Variants in MRTFB observed in about 807,000 individuals in gnomAD.
MRTFB encodes the protein myocardin-related transcription factor B.
MRTFB carries 29 observed loss-of-function variants against 104.2 expected under a neutral mutation model. That is an observed-to-expected ratio of 0.28 (90% CI 0.21 to 0.38). MRTFB has a LOEUF of 0.38. Ranked by LOEUF, MRTFB falls within the 10% of genes least tolerant of loss-of-function variation. The pLI is 1.00. For synonymous variants in MRTFB, 535 were observed against 519.5 expected, an observed-to-expected ratio of 1.03 and a Z score of -0.41; for missense variants, 1,270 against 1,341.6, an observed-to-expected ratio of 0.95 and a Z score of 0.83.
intron 3 of MRTFB, among the ~76,000 whole-genome samples, chr16:14,204,877 A>G (rs2040871250): frequency 6.6e-6 from 1 of 152,252 alleles, no homozygotes; most frequent in South Asian, 2.1e-4. Flanking sequence ...TTAAGAATTC[A>G]AATTAAGGGA....
chr16:14,214,082 GCACCTCCCATC>G (rs1199881862), intron 6 of MRTFB, among the ~76,000 whole-genome samples: 1 of 152,092 alleles, frequency 6.6e-6, no homozygotes, highest in African/African-American at 2.4e-5. Flanking sequence ...CTGACCATTA[GCACCTCCCATC>G]CACCTCCGCC....
chr16:14,220,862 G>A (rs2041663978), intron 8 of MRTFB, among the ~76,000 whole-genome samples: 1 of 152,172 alleles, frequency 6.6e-6, no homozygotes, highest in Non-Finnish European at 1.5e-5. Flanking sequence ...AAAAAACCTG[G>A]AGTCAGGGTT....
At chr16:14,195,492 G>C in intron 3 of MRTFB, 1 of 984,152 alleles carries the variant, frequency 1.0e-6, no homozygotes, top group Non-Finnish European at 1.2e-6. Flanking sequence ...GTTTGTATCA[G>C]CCCCATTCCT....
At chr16:14,240,138 G>A (rs1043335289) in intron 9 of MRTFB, 99 bp from the exon 10 acceptor site, 9 of 1,395,182 alleles carry the variant, frequency 6.5e-6, no homozygotes, top group Non-Finnish European at 8.6e-6. Flanking sequence ...CGTATCTAAG[G>A]TACATTTCTT....
the MRTFB span, among the ~76,000 whole-genome samples, chr16:14,037,724 G>A: frequency 6.6e-6 from 1 of 152,164 alleles, no homozygotes; most frequent in Admixed American, 6.5e-5. Context: ...GAAACCTTAA[G>A]TGCATGAGGC....
intron 1 of MRTFB, among the ~76,000 whole-genome samples, chr16:14,078,251 C>T (rs193189981): frequency 1.3e-5 from 2 of 152,172 alleles, no homozygotes; most frequent in Non-Finnish European, 2.9e-5. Flanking sequence ...TCCTGCACAC[C>T]AAATAATGCC....
chr16:14,019,898 A>C, the MRTFB span, among the ~76,000 whole-genome samples: 1 of 152,222 alleles, frequency 6.6e-6, no homozygotes, highest in Non-Finnish European at 1.5e-5. Context: ...ATAGAAGGGA[A>C]GTGAGGTGGA....
chr16:14,112,293 G>T (rs969631084), intron 2 of MRTFB, among the ~76,000 whole-genome samples: 2 of 152,204 alleles, frequency 1.3e-5, no homozygotes, highest in East Asian at 1.9e-4. Context: ...GTGGTCAGAG[G>T]TAGGTGCGTG....
At chr16:14,156,158 A>T (rs1177543458) in intron 3 of MRTFB, among the ~76,000 whole-genome samples, 1 of 152,198 alleles carries the variant, frequency 6.6e-6, no homozygotes, top group African/African-American at 2.4e-5. Flanking sequence ...AATGTGTGAA[A>T]GCAATTGTTT....
chr16:14,087,083 G>C (rs2034751993), intron 2 of MRTFB, among the ~76,000 whole-genome samples: 1 of 151,848 alleles, frequency 6.6e-6, no homozygotes, highest in African/African-American at 2.4e-5. Flanking sequence ...TCTAACCCTA[G>C]GAAAAAAAAA....
the MRTFB span, among the ~76,000 whole-genome samples, chr16:13,997,625 C>T: frequency 6.2e-4 from 84 of 135,832 alleles, no homozygotes; most frequent in Non-Finnish European, 9.7e-4. Context: ...GAGACTCTAT[C>T]TGTACCAAAA....
intron 3 of MRTFB, chr16:14,200,387 A>G (rs879044691): frequency 5.6e-6 from 9 of 1,607,744 alleles, no homozygotes; most frequent in South Asian, 5.5e-5. Context: ...TGATGACACT[A>G]AAGATGTTTC....
chr16:14,108,457 T>C (rs1306730271), intron 2 of MRTFB, among the ~76,000 whole-genome samples: 1 of 152,230 alleles, frequency 6.6e-6, no homozygotes, highest in Non-Finnish European at 1.5e-5. Context: ...TACTGAATTA[T>C]GCAGGGAGAG....
the MRTFB span, among the ~76,000 whole-genome samples, chr16:14,021,921 G>A: frequency 3.9e-5 from 6 of 152,082 alleles, no homozygotes; most frequent in African/African-American, 1.4e-4. Context: ...CTTATTTCCC[G>A]CCGGGTAGAT....
chr16:14,246,459 G>A lies in MRTFB; in HGVS notation c.1213-14G>A, dbSNP rs2151401985. The A allele has an allele frequency of 4.3e-6, 7 of 1,611,734 alleles. No individual in the cohort carries two copies. Among genetic ancestry groups the A allele is most frequent in the Admixed American group, 1.7e-5 (1 of 59,900 alleles). On this transcript the variant is annotated splice_polypyrimidine_tract_variant and intron_variant, in intron 11 of 16. Transcript: ENST00000571589. ...GCTCTAATACTAAGATATCTGCTTT[G>A]TTTGTACCTCCAGGTATCAGAACTG...
intron 5 of MRTFB, among the ~76,000 whole-genome samples, chr16:14,212,673 C>T (rs75315934): frequency 0.016 from 2,371 of 152,258 alleles, 64 homozygotes; most frequent in African/African-American, 0.054. Context: ...TCTTCGCTTT[C>T]TTGCTCTCAG....
the MRTFB span, among the ~76,000 whole-genome samples, chr16:14,029,445 T>TATATATATATAC: frequency 1.4e-4 from 12 of 85,956 alleles, no homozygotes; most frequent in South Asian, 4.0e-4. Context: ...TATATATATA[T>TATATATATATAC]ACACACACAC....
At chr16:14,002,382 G>A in the MRTFB span, among the ~76,000 whole-genome samples, 5 of 151,022 alleles carry the variant, frequency 3.3e-5, no homozygotes, top group Admixed American at 6.6e-5. Context: ...GACTCCGTCC[G>A]GGAAAAAAAA....
intron 3 of MRTFB, among the ~76,000 whole-genome samples, chr16:14,175,570 GTTCCT>G (rs1323998028): frequency 6.6e-6 from 1 of 152,096 alleles, no homozygotes; most frequent in Non-Finnish European, 1.5e-5. Flanking sequence ...AGAAACCACT[GTTCCT>G]TTAAAAACTA....
Sources: allele counts gnomAD v4.1 joint callset (sites outside exome capture counted in the v4.1 genomes callset), GRCh38; gene constraint gnomAD v4.1.1; transcripts MANE v1.5; gene names NCBI Gene and HGNC (gene_info 2026-07-23, HGNC 2026-07-21).